NOTCH2NLC: variants seen among roughly 807,000 people sequenced by gnomAD.
The protein encoded by NOTCH2NLC is notch homolog 2 N-terminal-like protein C.
NOTCH2NLC carries 4 observed loss-of-function variants against 17.7 expected under a neutral mutation model. The observed-to-expected ratio is 0.23, with a 90% CI of 0.11 to 0.52. The LOEUF (loss-of-function observed/expected upper bound fraction) is 0.52. Among genes scored for constraint, NOTCH2NLC ranks in the 20% least tolerant of loss-of-function variants. The pLI, the probability that NOTCH2NLC is intolerant of heterozygous loss-of-function variation, is 0.96. For missense variants in NOTCH2NLC, 57 were observed against 207.2 expected, an observed-to-expected ratio of 0.28 and a Z score of 4.45; for synonymous variants, 18 against 86.0, an observed-to-expected ratio of 0.21 and a Z score of 4.38.
intron 1 of NOTCH2NLC, among the ~76,000 whole-genome samples, chr1:149,419,296 C>T (rs1334974184): frequency 2.0e-5 from 3 of 150,862 alleles, no homozygotes; most frequent in Non-Finnish European, 3.0e-5. Flanking sequence ...TTTATCAAGA[C>T]AATGTAACTT....
At position 149,439,007 on chromosome 1, in the gene NOTCH2NLC, T is replaced by C. The variant is rs1193817536; in HGVS notation, c.209+7992T>C. ...CTGGAATTACAGGCCTGAACCACTG[T>C]GCCTGGCCAGTTAGTAGCTTCTTAA... On this transcript the variant is annotated intron_variant, in intron 2 of 4. Coordinates refer to ENST00000650865, the MANE Select transcript of NOTCH2NLC (RefSeq NM_001364013.2). Among the ~76,000 whole-genome samples, 2 of 146,546 alleles carry C rather than the reference T, an allele frequency of 1.4e-5. 1 individual carries two copies. Among genetic ancestry groups the C allele is most frequent in the Non-Finnish European group, 3.0e-5 (2 of 66,604 alleles).
intron 2 of NOTCH2NLC, among the ~76,000 whole-genome samples, chr1:149,433,245 CAG>C (rs1210090663): frequency 7.6e-6 from 1 of 130,942 alleles, no homozygotes; most frequent in African/African-American, 2.9e-5. Context: ...CACATGGACA[CAG>C]GGAGGGGAAC....
In NOTCH2NLC at chr1:149,463,136, G is replaced by A. The variant is rs2084660925; in HGVS notation, c.470-355G>A. Among the ~76,000 whole-genome samples the A allele has an allele frequency of 2.0e-5, 3 of 150,844 alleles. No individual in the cohort carries two copies. The South Asian group carries it at 6.3e-4, about 32-fold the overall frequency. ...GGTGTGAGCCACTGCTCCTGGCCCGGAAGTTGATATTCAAACAGGAGCAGC... is the reference window on the plus strand; with the variant it reads ...GGTGTGAGCCACTGCTCCTGGCCCGAAAGTTGATATTCAAACAGGAGCAGC... On this transcript the variant is annotated intron_variant, in intron 3 of 4. Transcript: ENST00000650865.
chr1:149,461,247 C>T (rs1279472296), intron 3 of NOTCH2NLC, among the ~76,000 whole-genome samples: 2,990 of 138,364 alleles, frequency 0.022, 58 homozygotes, highest in Middle Eastern at 0.037. Flanking sequence ...GGGATCTTTC[C>T]GTTTCAGTTG....
chr1:149,406,211 G>GT (rs1411871554), intron 1 of NOTCH2NLC, among the ~76,000 whole-genome samples: 1 of 90,806 alleles, frequency 1.1e-5, no homozygotes, highest in East Asian at 3.8e-4. Context: ...AGACAAGCTT[G>GT]TTTTTTTCCT....
At chr1:149,423,560 C>CCCA (rs1216195012) in intron 1 of NOTCH2NLC, among the ~76,000 whole-genome samples, 1 of 147,982 alleles carries the variant, frequency 6.8e-6, no homozygotes, top group Admixed American at 6.8e-5. Flanking sequence ...TTTTACTGAG[C>CCCA]CTCTTCCAGA....
chr1:149,400,132 A>ATATATATAT (rs1464101913), intron 1 of NOTCH2NLC, among the ~76,000 whole-genome samples: 55 of 124,968 alleles, frequency 4.4e-4, no homozygotes, highest in African/African-American at 1.2e-3. Context: ...ATATATATAT[A>ATATATATAT]ATATATATTT....
In NOTCH2NLC at chr1:149,429,301, G is replaced by A. The variant is rs1186497510; in HGVS notation, c.136-1641G>A. On this transcript the variant is annotated intron_variant, in intron 1 of 4. Coordinates refer to ENST00000650865, the MANE Select transcript of NOTCH2NLC (RefSeq NM_001364013.2). ...TCTCTGGCCTCTACTATTGGTAAAT[G>A]GGTATAATAATATCCACCCTGCCAA... Among the ~76,000 whole-genome samples, 7 of 150,534 alleles carry A rather than the reference G, an allele frequency of 4.7e-5. No homozygotes were observed. The East Asian group carries it at 7.9e-4, about 17-fold the overall frequency.
chr1:149,402,467 A>G (rs1326176615), intron 1 of NOTCH2NLC, among the ~76,000 whole-genome samples: 4 of 116,212 alleles, frequency 3.4e-5, no homozygotes, highest in African/African-American at 1.3e-4. Context: ...GGGCTTTGCA[A>G]ATATTGCTTT....
intron 1 of NOTCH2NLC, among the ~76,000 whole-genome samples, chr1:149,418,862 A>T (rs2084360608): frequency 2.0e-5 from 3 of 149,268 alleles, no homozygotes; most frequent in Middle Eastern, 3.5e-3. Flanking sequence ...AGGCTTCCAG[A>T]CAGGAGTGGC....
intron 2 of NOTCH2NLC, among the ~76,000 whole-genome samples, chr1:149,442,172 T>C (rs2084523653): frequency 6.7e-6 from 1 of 149,586 alleles, no homozygotes; most frequent in African/African-American, 2.5e-5. Context: ...TAGAAGATGG[T>C]TAGACCTTTC....
chr1:149,424,875 A>G (rs1250106815), intron 1 of NOTCH2NLC, among the ~76,000 whole-genome samples: 1 of 151,070 alleles, frequency 6.6e-6, no homozygotes, highest in Non-Finnish European at 1.5e-5. Flanking sequence ...CTTTCAAACA[A>G]CCAGCTCACA....
At chr1:149,417,916 A>G (rs2084354298) in intron 1 of NOTCH2NLC, among the ~76,000 whole-genome samples, 1 of 150,930 alleles carries the variant, frequency 6.6e-6, no homozygotes, top group South Asian at 2.1e-4. Context: ...TGAAGAAACT[A>G]ACCAGCCAAC....
intron 3 of NOTCH2NLC, among the ~76,000 whole-genome samples, chr1:149,461,973 G>A (rs1464704040): frequency 3.7e-5 from 5 of 134,938 alleles, no homozygotes; most frequent in African/African-American, 8.4e-5. Flanking sequence ...CACAAACCGG[G>A]GCCTGTCGTG....
At chr1:149,412,812 CAAAAAAAA>C (rs1171085478) in intron 1 of NOTCH2NLC, among the ~76,000 whole-genome samples, 1 of 43,802 alleles carries the variant, frequency 2.3e-5, no homozygotes, top group African/African-American at 8.6e-5. Context: ...GACTGCATCT[CAAAAAAAA>C]AAAAAAAAAA....
At chr1:149,460,875 CTTTCTTTCTTTCT>C in intron 3 of NOTCH2NLC, among the ~76,000 whole-genome samples, 1 of 100,216 alleles carries the variant, frequency 1.0e-5, no homozygotes, top group Non-Finnish European at 2.2e-5. Flanking sequence ...TTCTTTCTTT[CTTTCTTTCTTTCT>C]TTCTTTCTTT....
chr1:149,429,609 T>C (rs1304971444), intron 1 of NOTCH2NLC, among the ~76,000 whole-genome samples: 3 of 151,350 alleles, frequency 2.0e-5, no homozygotes, highest in African/African-American at 4.9e-5. Context: ...TTTAAAAATA[T>C]TATTTCAAGG....
chr1:149,448,964 C>T (rs1475014801), intron 2 of NOTCH2NLC, among the ~76,000 whole-genome samples: 1 of 146,826 alleles, frequency 6.8e-6, no homozygotes, highest in African/African-American at 2.5e-5. Context: ...TCACTGCAAC[C>T]TCCAACTTCT....
rs1454494457 is a variant in NOTCH2NLC at position 149,408,515 on chromosome 1, A to G, written c.135+17593A>G. On this transcript the variant is annotated intron_variant, in intron 1 of 4. Transcript: ENST00000650865. The stretch of plus-strand genomic sequence containing the variant: ...CTTTCCTTTTAATCAAAATGAGGAA[A>G]TAGAAAATGTTTTGTTATGGTAGTT... 2.7e-5 allele frequency among the ~76,000 whole-genome samples: 4 copies of G among 148,768 alleles called. No individual in the cohort carries two copies. The Admixed American group carries it at 2.7e-4, about 10-fold the overall frequency.
Sources: allele counts gnomAD v4.1 joint callset (sites outside exome capture counted in the v4.1 genomes callset), GRCh38; gene constraint gnomAD v4.1.1; transcripts MANE v1.5; gene names NCBI Gene and HGNC (gene_info 2026-07-23, HGNC 2026-07-21).